Variants in TMEM165 observed in about 807,000 individuals in gnomAD.
TMEM165 encodes transmembrane protein 165, also known as putative divalent cation/proton antiporter TMEM165.
Under a neutral mutation model 30.0 loss-of-function variants are expected in TMEM165, and 19 were observed. The ratio of observed to expected loss-of-function variants is 0.63; its 90% CI spans 0.44 to 0.93. The LOEUF (loss-of-function observed/expected upper bound fraction) is 0.93, where lower values mean the gene tolerates loss of function less well. Ranked by LOEUF, TMEM165 falls within the 40% of genes least tolerant of loss-of-function variation. The probability of loss-of-function intolerance (pLI) is 0.00; values close to 1 mark genes in which losing one functional copy is unlikely to be tolerated. For synonymous variants in TMEM165, 168 were observed against 162.9 expected, an observed-to-expected ratio of 1.03 and a Z score of -0.24; for missense variants, 340 against 417.0, an observed-to-expected ratio of 0.82 and a Z score of 1.61.
intron 3 of TMEM165, chr4:55,448,643 T>TGA: frequency 1.7e-6 from 1 of 579,620 alleles, no homozygotes; most frequent in Non-Finnish European, 3.2e-6. Flanking sequence ...TGTGTGTGTG[T>TGA]GCTCCTACCT....
intron 1 of TMEM165, among the ~76,000 whole-genome samples, chr4:55,402,414 TATATATATATATATA>T: frequency 2.8e-5 from 1 of 35,940 alleles, no homozygotes; most frequent in African/African-American, 1.3e-4. Context: ...TATATATATA[TATATATATATATATA>T]TATATTTTTT....
chr4:55,402,403 G>GTGTGTATATATATATATATA (rs1334888892), intron 1 of TMEM165, among the ~76,000 whole-genome samples: 4 of 48,180 alleles, frequency 8.3e-5, no homozygotes, highest in South Asian at 6.9e-4. Flanking sequence ...GTGTGTGTGT[G>GTGTGTATATATATATATATA]TATATATATA....
At chr4:55,448,223 G>A (rs895932686) in intron 3 of TMEM165, among the ~76,000 whole-genome samples, 7 of 151,816 alleles carry the variant, frequency 4.6e-5, no homozygotes, top group Non-Finnish European at 8.8e-5. Flanking sequence ...TTGTACTGTC[G>A]GCATCTGCAA....
In TMEM165 at chr4:55,425,709, T is replaced by G; in HGVS notation, c.*257T>G. On this transcript the variant is annotated 3_prime_UTR_variant, in exon 6 of 6. Transcript: ENST00000381334. ...GTTAATATGGTCCTCATTTTTCTTT[T>G]GGTGCAGAACCGTTGTGCAGTGGGG... is the stretch of plus-strand genomic sequence containing the variant. 1 of 350,158 alleles carries G rather than the reference T, an allele frequency of 2.9e-6. No homozygotes were observed. Among genetic ancestry groups the G allele is most frequent in the South Asian group, 4.1e-5 (1 of 24,396 alleles). The allele number at this position is 350,158 out of a possible 1,614,324, so 21.7% of individuals were successfully genotyped here.
chr4:55,453,103 C>T lies in TMEM165; in HGVS notation c.*797C>T, dbSNP rs1385600505. Reference sequence around the variant, plus strand: ...AGACTCTTCAATGCCAAGTTCTCGTCGTCTTTCAGCCCTAACTTCTGCATA... The same window carrying T: ...AGACTCTTCAATGCCAAGTTCTCGTTGTCTTTCAGCCCTAACTTCTGCATA... On this transcript the variant is annotated 3_prime_UTR_variant, in exon 4 of 4. Transcript: ENST00000608091. 1.5e-5 allele frequency: 24 copies of T among 1,612,604 alleles called. No homozygotes were observed. The Admixed American group carries it at 1.7e-4, about 11-fold the overall frequency.
At chr4:55,400,366 AT>A (rs1201702684) in intron 1 of TMEM165, among the ~76,000 whole-genome samples, 8 of 53,978 alleles carry the variant, frequency 1.5e-4, no homozygotes, top group South Asian at 1.9e-3. Context: ...AATATAATTA[AT>A]TATATTAATA....
At chr4:55,398,870 C>G (rs535686047) in intron 1 of TMEM165, 4 of 94,796 alleles carry the variant, frequency 4.2e-5, no homozygotes, top group African/African-American at 1.2e-4. Flanking sequence ...TAAACTCAAC[C>G]AGGAAAAAAA....
intron 4 of TMEM165, among the ~76,000 whole-genome samples, chr4:55,421,426 G>T (rs1481823533): frequency 4.0e-5 from 6 of 149,004 alleles, no homozygotes; most frequent in African/African-American, 1.5e-4. Flanking sequence ...TCAGCCTTCT[G>T]AGTCTGGGAC....
At chr4:55,442,310 C>T (rs528151265) in intron 3 of TMEM165, 2 of 809,312 alleles carry the variant, frequency 2.5e-6, no homozygotes, top group Non-Finnish European at 4.1e-6. Flanking sequence ...AATTTAAGAA[C>T]ATTGGCTGCA....
intron 3 of TMEM165, among the ~76,000 whole-genome samples, chr4:55,451,393 A>AC (rs548698957): frequency 6.6e-6 from 1 of 152,012 alleles, no homozygotes; most frequent in African/African-American, 2.4e-5. Context: ...ACTAGCTATT[A>AC]CCCCCCTGTT....
chr4:55,402,116 C>A (rs1305023198), intron 1 of TMEM165, among the ~76,000 whole-genome samples: 3 of 22,882 alleles, frequency 1.3e-4, no homozygotes, highest in Non-Finnish European at 2.3e-4. Flanking sequence ...AAAACTCTGT[C>A]TCCAAAAAAA....
chr4:55,407,675 G>A (rs749909095), intron 1 of TMEM165, among the ~76,000 whole-genome samples: 4 of 152,180 alleles, frequency 2.6e-5, no homozygotes, highest in African/African-American at 7.2e-5. Context: ...AACCTGGTAT[G>A]TGCTTCAGTG....
intron 3 of TMEM165, chr4:55,443,535 A>T: frequency 1.5e-6 from 1 of 687,246 alleles, no homozygotes; most frequent in Non-Finnish European, 2.5e-6. Context: ...ATTTGCACAA[A>T]ATATTTTAAT....
At chr4:55,453,119 C>G (rs1047615569) in exon 4 of TMEM165, 8 of 1,612,820 alleles carry the variant, frequency 5.0e-6, no homozygotes, top group Non-Finnish European at 5.9e-6. Context: ...TCAGCCCTAA[C>G]TTCTGCATAA....
chr4:55,447,553 G>C (rs1262675379), intron 3 of TMEM165, among the ~76,000 whole-genome samples: 2 of 152,080 alleles, frequency 1.3e-5, no homozygotes, highest in Admixed American at 6.5e-5. Flanking sequence ...AGACCTAAGA[G>C]GCAAAGCATT....
At position 55,396,202 on chromosome 4, in the gene TMEM165, G is replaced by C; in HGVS notation, c.13G>C (p.Ala5Pro). The C allele has an allele frequency of 1.4e-6, 2 of 1,436,404 alleles. No homozygotes were observed. The highest frequency in any genetic ancestry group is 1.8e-6 in the Non-Finnish European group (2 of 1,098,774). The allele number at this position is 1,436,404 out of a possible 1,614,324, so 89.0% of individuals were successfully genotyped here. ...CCCGGCAGGCGGGATGGCGGCCGCG[G>C]CTCCAGGGAACGGCCGCGCATCGGC... MAAAAPGNGRASAPR... is the reference protein window; with the variant it reads MAAAPPGNGRASAPR... Residue 5 changes from alanine to proline, a missense_variant, in exon 1 of 6, where the codon GCT becomes CCT. Physicochemically the swap from Ala to Pro is conservative, Grantham distance 27 (BLOSUM62 -1). Around this residue, in one of 2 missense-constraint regions of TMEM165, gnomAD observed 120 missense variants for 109.4 expected, o/e 1.10. Coordinates refer to ENST00000381334, the MANE Select transcript of TMEM165 (RefSeq NM_018475.5).
chr4:55,431,793 G>C (rs1460130041), intron 3 of TMEM165: 1 of 152,186 alleles, frequency 6.6e-6, no homozygotes, highest in Non-Finnish European at 1.5e-5. Flanking sequence ...GGAAACATCT[G>C]AAAACATGTT....
At chr4:55,448,601 CGTGTGTGTGT>C (rs3034980) in intron 3 of TMEM165, among the ~76,000 whole-genome samples, 17,696 of 116,958 alleles carry the variant, frequency 0.15, 1,138 homozygotes, top group East Asian at 0.3. Flanking sequence ...CGCACGCGCG[CGTGTGTGTGT>C]GTGTGTGTGT....
At chr4:55,440,819 C>T (rs935924430) in intron 3 of TMEM165, among the ~76,000 whole-genome samples, 8 of 152,140 alleles carry the variant, frequency 5.3e-5, no homozygotes, top group Non-Finnish European at 1.2e-4. Context: ...TCCCTCTGCC[C>T]AGAATGCCTC....
Sources: gnomAD v4.1 joint callset for allele counts (sites outside exome capture counted in the v4.1 genomes callset) on GRCh38, gnomAD v4.1.1 for gene constraint, gnomAD v4.1.1 regional missense constraint, MANE v1.5 for transcripts, NCBI Gene and HGNC (gene_info 2026-07-23, HGNC 2026-07-21) for gene names.